NTMT2: variants seen among roughly 807,000 people sequenced by gnomAD.
The protein encoded by NTMT2 is X-Pro-Lys N-terminal protein methyltransferase 1B.
A neutral mutation model predicts 23.4 loss-of-function variants in NTMT2; 21 were observed. That is an observed-to-expected ratio of 0.90 (90% CI 0.64 to 1.29). The LOEUF (loss-of-function observed/expected upper bound fraction) is 1.29. Ranked by LOEUF, NTMT2 falls within the 50% of genes most tolerant of loss-of-function variation. The pLI is 0.00. For synonymous variants in NTMT2, 131 were observed against 127.7 expected (o/e 1.03, Z -0.17); for missense variants, 336 against 352.0 (o/e 0.95, Z 0.36).
chr1:170,167,209 G>A (rs1673412435), intron 3 of NTMT2, among the ~76,000 whole-genome samples: 1 of 152,112 alleles, frequency 6.6e-6, no homozygotes, highest in Non-Finnish European at 1.5e-5. Flanking sequence ...CAGGGGACAT[G>A]GAGGGACTTG....
At position 170,168,131 on chromosome 1, in the gene NTMT2, G is replaced by GTTTT. The variant is rs11385158; in HGVS notation, c.*381_*384dup. ...CACAACATCCTAGACAAAAATGGTG[G>GTTTT]TTTTTTTTTTGTTTTTCCATCACAA... On this transcript the variant is annotated 3_prime_UTR_variant, in exon 4 of 4. Transcript: ENST00000439373. Among the ~76,000 whole-genome samples, 1 of 146,016 alleles carries GTTTT rather than the reference G, an allele frequency of 6.8e-6. No individual in the cohort carries two copies. The highest frequency in any genetic ancestry group is 1.5e-5 in the Non-Finnish European group (1 of 66,474).
intron 2 of NTMT2, among the ~76,000 whole-genome samples, chr1:170,166,082 T>C (rs1673372735): frequency 6.6e-6 from 1 of 151,096 alleles, no homozygotes; most frequent in African/African-American, 2.4e-5. Context: ...ATTTACCTAA[T>C]AAAGTTGATT....
At chr1:170,161,230 C>T (rs1454168054) in intron 2 of NTMT2, among the ~76,000 whole-genome samples, 1 of 150,672 alleles carries the variant, frequency 6.6e-6, no homozygotes, top group Non-Finnish European at 1.5e-5. Context: ...ACCTGGGAGG[C>T]AGAGCTTGCA....
In NTMT2 at chr1:170,166,625, C is replaced by G; in HGVS notation, c.454C>G (p.Leu152Val). The G allele has an allele frequency of 6.4e-7, 1 of 1,551,958 alleles. No individual in the cohort carries two copies. Among genetic ancestry groups the G allele is most frequent in the Non-Finnish European group, 8.7e-7 (1 of 1,147,022 alleles). The change falls in exon 3 of 4, where the codon CTC becomes GTC. Residue 152 changes from leucine (L) to valine (V), a missense_variant. Leu to Val is a conservative substitution (Grantham distance 32). Transcript: ENST00000439373. ...GCTGGTGGATATGATGGAATCCTTT[C>G]TCCTTGAAGCCCAGAACTACCTGCA... The part of the protein sequence containing the change: ...VELVDMMESF[L>V]LEAQNYLQVK...
rs1673416769 is a variant in NTMT2 at position 170,167,472 on chromosome 1, G to A, written c.581-14G>A. Reference sequence around the variant, plus strand: ...TTTCTTCCTGTTCCCCCATCCACTTGGTCTCCCTTGTAGGGCACCTGACTG... The same window carrying A: ...TTTCTTCCTGTTCCCCCATCCACTTAGTCTCCCTTGTAGGGCACCTGACTG... On this transcript the variant is annotated splice_polypyrimidine_tract_variant and intron_variant, in intron 3 of 3. Transcript: ENST00000439373. 8 of 1,530,588 alleles carry A rather than the reference G, an allele frequency of 5.2e-6. No individual in the cohort carries two copies. Among genetic ancestry groups the A allele is most frequent in the Non-Finnish European group, 7.1e-6 (8 of 1,134,540 alleles). 94.8% of individuals were successfully genotyped at this position (1,530,588 alleles called of 1,614,324 possible).
intron 2 of NTMT2, among the ~76,000 whole-genome samples, chr1:170,164,271 T>C (rs1042180116): frequency 6.6e-5 from 10 of 152,218 alleles, no homozygotes; most frequent in African/African-American, 2.4e-4. Context: ...TGCTTTATTG[T>C]TCCAGGATTC....
Position 170,146,209 on chromosome 1 carries a change from T to G in NTMT2, c.102T>G (p.Ile34Met). 6.4e-7 allele frequency: 1 copy of G among 1,551,058 alleles called. No homozygotes were observed. The highest frequency in any genetic ancestry group is 1.4e-5 in the African/African-American group (1 of 72,878). ...HSMSFILHKA[I>M]RNDFFQSYLY... ...TGTCTTTTATCCTTCACAAAGCCAT[T>G]CGCAATGACTTCTTTCAGAGCTATC... is the stretch of plus-strand genomic sequence containing the variant. The change falls in exon 1 of 4, where the codon ATT becomes ATG. Residue 34 changes from isoleucine (I) to methionine (M), a missense_variant. Physicochemically the swap from Ile to Met is conservative, Grantham distance 10. Coordinates refer to ENST00000439373, the MANE Select transcript of NTMT2 (RefSeq NM_001136107.2).
chr1:170,150,269 T>G (rs114120216), intron 1 of NTMT2, among the ~76,000 whole-genome samples: 1,646 of 152,274 alleles, frequency 0.011, 15 homozygotes, highest in Middle Eastern at 0.027. Flanking sequence ...CTGGCAAGCT[T>G]CAGAGATTCA....
chr1:170,167,867 C>A lies in NTMT2; in HGVS notation c.*110C>A. 8.7e-7 allele frequency: 1 copy of A among 1,145,150 alleles called. No homozygotes were observed. The highest frequency in any genetic ancestry group is 2.6e-5 in the East Asian group (1 of 38,524). The allele number at this position is 1,145,150 out of a possible 1,614,324, so 70.9% of individuals were successfully genotyped here. On this transcript the variant is annotated 3_prime_UTR_variant, in exon 4 of 4. Transcript: ENST00000439373. ...GATAGGGATGGCAAGAAAAGGGATA[C>A]AACATATGTCTGCAAATTATTTGTG...
At chr1:170,160,392 C>A in intron 1 of NTMT2, 126 bp from the exon 2 acceptor site, 1 of 866,580 alleles carries the variant, frequency 1.2e-6, no homozygotes, top group Non-Finnish European at 1.7e-6. Flanking sequence ...AATCTTTTGA[C>A]TTCAAACCAG....
intron 1 of NTMT2, 106 bp downstream of exon 1, chr1:170,146,367 CA>C (rs1010072103): frequency 5.6e-5 from 59 of 1,059,756 alleles, no homozygotes; most frequent in Middle Eastern, 2.1e-4. Flanking sequence ...ACTTTTCAGA[CA>C]AAAAAAACTC....
rs1672956135 is a variant in NTMT2 at position 170,146,040 on chromosome 1, G to A, written c.-68G>A. The A allele has an allele frequency of 4.3e-6, 6 of 1,391,806 alleles. No individual in the cohort carries two copies. Among genetic ancestry groups the A allele is most frequent in the African/African-American group, 1.5e-5 (1 of 68,748 alleles). 86.2% of individuals were successfully genotyped at this position (1,391,806 alleles called of 1,614,324 possible). A position where few individuals can be genotyped will look rare whatever the true frequency, so the allele number is the denominator to read the frequency against. On this transcript the variant is annotated 5_prime_UTR_variant, in exon 1 of 4. Coordinates refer to ENST00000439373, the MANE Select transcript of NTMT2 (RefSeq NM_001136107.2). ...GTCTCAAGTTCATTTAGAAAGAGAA[G>A]GCTAATTCAAAGAAACAGCAAGGCA...
intron 2 of NTMT2, among the ~76,000 whole-genome samples, chr1:170,162,959 CTCGTGGTG>C (rs1301980460): frequency 3.9e-5 from 6 of 151,942 alleles, no homozygotes; most frequent in Non-Finnish European, 8.8e-5. Context: ...TCCTGCTTGC[CTCGTGGTG>C]AGGCCGACTT....
intron 1 of NTMT2, among the ~76,000 whole-genome samples, chr1:170,149,750 G>A (rs1673031152): frequency 6.6e-6 from 1 of 152,082 alleles, no homozygotes; most frequent in Admixed American, 6.6e-5. Context: ...TTAAATGTTG[G>A]TATATATGTG....
intron 2 of NTMT2, among the ~76,000 whole-genome samples, chr1:170,163,632 G>A (rs985869544): frequency 1.3e-5 from 2 of 152,072 alleles, no homozygotes; most frequent in Admixed American, 6.5e-5. Context: ...AAAAATCTGG[G>A]TCTACTAACT....
Position 170,164,108 on chromosome 1 carries a change from T to G in NTMT2, c.331-2394T>G, listed in dbSNP as rs1007203066. Among the ~76,000 whole-genome samples, 3 of 111,074 alleles carry G rather than the reference T, an allele frequency of 2.7e-5. No homozygotes were observed. In the East Asian group the frequency reaches 8.3e-4, roughly 31 times the overall value. 72.9% of individuals were successfully genotyped at this position (111,074 alleles called of 152,430 possible). A position where few individuals can be genotyped will look rare whatever the true frequency, so the allele number is the denominator to read the frequency against. ...CTGCACTCCAGGCTGGGTGACAGAA[T>G]GAGACTCTATCTCAAAAAAAAAAAA... On this transcript the variant is annotated intron_variant, in intron 2 of 3. Coordinates refer to ENST00000439373, the MANE Select transcript of NTMT2 (RefSeq NM_001136107.2).
At chr1:170,151,099 T>A (rs1673059896) in intron 1 of NTMT2, among the ~76,000 whole-genome samples, 1 of 152,118 alleles carries the variant, frequency 6.6e-6, no homozygotes, top group South Asian at 2.1e-4. Context: ...TTCTGTGTGG[T>A]TTAACAGAAA....
intron 1 of NTMT2, among the ~76,000 whole-genome samples, chr1:170,150,809 T>G (rs1673053493): frequency 6.6e-6 from 1 of 152,140 alleles, no homozygotes; most frequent in Non-Finnish European, 1.5e-5. Flanking sequence ...AAATGGCTAT[T>G]CATGAACAAA....
chr1:170,153,942 C>G lies in NTMT2; in HGVS notation c.155-6576C>G, dbSNP rs1673117211. ...GCATTTCAGAGATCTAAGAGACAGC[C>G]CCTCTCATCACAGACCCAGTAGTGT... On this transcript the variant is annotated intron_variant, in intron 1 of 3. Coordinates refer to ENST00000439373, the MANE Select transcript of NTMT2 (RefSeq NM_001136107.2). 1.3e-5 allele frequency among the ~76,000 whole-genome samples: 2 copies of G among 152,114 alleles called. 1 individual carries two copies. Among genetic ancestry groups the G allele is most frequent in the Admixed American group, 1.3e-4 (2 of 15,276 alleles).
Sources: allele counts gnomAD v4.1 joint callset (sites outside exome capture counted in the v4.1 genomes callset), GRCh38; gene constraint gnomAD v4.1.1; transcripts MANE v1.5; gene names NCBI Gene and HGNC (gene_info 2026-07-23, HGNC 2026-07-21).